The following SYTL5 variants were observed in gnomAD, a reference collection of about 807,000 sequenced individuals.
SYTL5 encodes synaptotagmin-like protein 5.
SYTL5 carries 34 observed loss-of-function variants against 55.9 expected under a neutral mutation model. The observed-to-expected ratio is 0.61, with a 90% CI of 0.46 to 0.81. The LOEUF (loss-of-function observed/expected upper bound fraction) is 0.81, where lower values mean the gene tolerates loss of function less well. SYTL5 is among the 30% of genes least tolerant of loss of function. The probability of loss-of-function intolerance (pLI) is 0.00; values close to 1 mark genes in which losing one functional copy is unlikely to be tolerated. For missense variants in SYTL5, 637 were observed against 546.7 expected (o/e 1.17, Z -1.65); for synonymous variants, 221 against 188.7 (o/e 1.17, Z -1.40).
chrX:37,956,513 A>T, the SYTL5 span, among the ~76,000 whole-genome samples: 5,072 of 112,253 alleles, frequency 0.045, 100 homozygotes, highest in Middle Eastern at 0.074. Context: ...ACTATTTCAG[A>T]TACTTTATAT....
At chrX:38,113,089 T>C (rs1937399019) in intron 13 of SYTL5, among the ~76,000 whole-genome samples, 1 of 112,275 alleles carries the variant, frequency 8.9e-6, no homozygotes, top group South Asian at 3.8e-4. Flanking sequence ...CCTACAGTGC[T>C]AAGCCAGTGA....
At chrX:38,082,315 T>C (rs1048144377) in intron 6 of SYTL5, among the ~76,000 whole-genome samples, 2 of 112,126 alleles carry the variant, frequency 1.8e-5, no homozygotes, top group Non-Finnish European at 3.8e-5. Context: ...GCTCTTTTAC[T>C]CACTGCTACC....
chrX:38,099,292 T>C (rs1349969453), intron 9 of SYTL5, among the ~76,000 whole-genome samples: 2 of 111,255 alleles, frequency 1.8e-5, no homozygotes, highest in African/African-American at 6.5e-5. Flanking sequence ...AATTTTTTAA[T>C]ATCCACTTTT....
intron 13 of SYTL5, among the ~76,000 whole-genome samples, chrX:38,115,213 G>A (rs891887482): frequency 1.1e-4 from 12 of 104,853 alleles, no homozygotes; most frequent in Non-Finnish European, 2.1e-4. Context: ...GGCCGGGCGC[G>A]GTGGCTCACG....
rs148897960 is a variant in SYTL5 at position 38,076,229 on chromosome X, A to T, written c.555-338A>T. On this transcript the variant is annotated intron_variant, in intron 5 of 16. Transcript: ENST00000297875. Reference sequence around the variant, plus strand: ...TTCCCTCTCTGAGCAAAGGGAGTTCAAACTCTCTATTCTCACTATTCCTGC... The same window carrying T: ...TTCCCTCTCTGAGCAAAGGGAGTTCTAACTCTCTATTCTCACTATTCCTGC... Among the ~76,000 whole-genome samples, 11 of 112,056 alleles carry T rather than the reference A, an allele frequency of 9.8e-5. No homozygotes were observed. In the East Asian group the frequency reaches 3.1e-3, roughly 32 times the overall value.
chrX:38,083,190 A>G (rs1013383001), intron 6 of SYTL5, among the ~76,000 whole-genome samples: 3 of 111,335 alleles, frequency 2.7e-5, no homozygotes, highest in Middle Eastern at 9.2e-3. Context: ...GCTTCTGGTC[A>G]TTATTTAGAA....
At chrX:37,981,617 T>C in the SYTL5 span, among the ~76,000 whole-genome samples, 1 of 111,669 alleles carries the variant, frequency 9.0e-6, no homozygotes, top group Non-Finnish European at 1.9e-5. Context: ...TTTTAAACAT[T>C]GACCTAGGTA....
At chrX:38,067,218 G>T (rs1460966923) in intron 3 of SYTL5, among the ~76,000 whole-genome samples, 1 of 111,479 alleles carries the variant, frequency 9.0e-6, no homozygotes, top group Non-Finnish European at 1.9e-5. Context: ...ATTCTGGGAA[G>T]ATCTTATTTG....
chrX:38,094,470 T>A, intron 8 of SYTL5, 46 bp downstream of exon 8: 2 of 1,140,682 alleles, frequency 1.8e-6, no homozygotes, highest in Non-Finnish European at 2.4e-6. Flanking sequence ...AATGACTAAA[T>A]CAAATGGAAT....
At chrX:37,907,371 C>A in the SYTL5 span, among the ~76,000 whole-genome samples, 3 of 111,700 alleles carry the variant, frequency 2.7e-5, no homozygotes, top group Non-Finnish European at 5.7e-5. Context: ...AGAAAAGAAC[C>A]CTCCTTGAAA....
At chrX:38,072,270 C>A (rs962299798) in intron 4 of SYTL5, 108 bp downstream of exon 4, 2 of 508,299 alleles carry the variant, frequency 3.9e-6, no homozygotes, top group South Asian at 5.1e-5. Flanking sequence ...TTTCTTGAAT[C>A]CCTTAGGGCA....
the SYTL5 span, among the ~76,000 whole-genome samples, chrX:37,987,299 T>C: frequency 8.9e-6 from 1 of 112,450 alleles, no homozygotes; most frequent in Non-Finnish European, 1.9e-5. Flanking sequence ...ATCTAGTGGA[T>C]AGGGGCCAAG....
the SYTL5 span, among the ~76,000 whole-genome samples, chrX:37,971,174 A>T: frequency 6.3e-5 from 7 of 111,382 alleles, no homozygotes; most frequent in East Asian, 1.4e-3. Context: ...ATATAGACGT[A>T]TTAAGCATGC....
chrX:37,925,217 A>G, the SYTL5 span, among the ~76,000 whole-genome samples: 3 of 111,789 alleles, frequency 2.7e-5, no homozygotes, highest in Non-Finnish European at 5.7e-5. Flanking sequence ...AATCTTTTCT[A>G]ATCTTTTTAT....
At chrX:38,065,674 C>T (rs886177709) in intron 3 of SYTL5, among the ~76,000 whole-genome samples, 9 of 111,918 alleles carry the variant, frequency 8.0e-5, no homozygotes, top group African/African-American at 2.9e-4. Context: ...TTTCACTTTT[C>T]CTGCTTGGAA....
At chrX:38,051,023 A>G (rs1935608606) in intron 2 of SYTL5, among the ~76,000 whole-genome samples, 1 of 112,266 alleles carries the variant, frequency 8.9e-6, no homozygotes, top group Non-Finnish European at 1.9e-5. Flanking sequence ...AATGGGAAGT[A>G]TTTAGTGAAC....
intron 2 of SYTL5, among the ~76,000 whole-genome samples, chrX:38,047,706 G>A (rs990235142): frequency 9.8e-5 from 11 of 112,058 alleles, no homozygotes; most frequent in Admixed American, 1.9e-4. Context: ...CTTTTCTATC[G>A]CATCGTCAGG....
intron 6 of SYTL5, among the ~76,000 whole-genome samples, chrX:38,082,370 G>A (rs1414706422): frequency 8.9e-6 from 1 of 112,216 alleles, no homozygotes. Context: ...GGGTAGCTAA[G>A]ATACAATAGA....
the SYTL5 span, among the ~76,000 whole-genome samples, chrX:37,926,994 C>A: frequency 4.4e-4 from 49 of 111,767 alleles, no homozygotes; most frequent in African/African-American, 1.5e-3. Flanking sequence ...TCAGAAAGAG[C>A]AAACCATTCT....
Sources: allele counts gnomAD v4.1 joint callset (sites outside exome capture counted in the v4.1 genomes callset), GRCh38; gene constraint gnomAD v4.1.1; transcripts MANE v1.5; gene names NCBI Gene and HGNC (gene_info 2026-07-23, HGNC 2026-07-21).